Variants in ORC2 observed in about 807,000 individuals in gnomAD.
ORC2 encodes the protein origin recognition complex subunit 2.
A neutral mutation model predicts 77.7 loss-of-function variants in ORC2; 37 were observed. That is an observed-to-expected ratio of 0.48 (90% confidence interval 0.37 to 0.63). ORC2 has a LOEUF of 0.63. ORC2 is among the 20% of genes least tolerant of loss of function. The probability of loss-of-function intolerance (pLI) is 0.00; values close to 1 mark genes in which losing one functional copy is unlikely to be tolerated. For missense variants in ORC2, 557 were observed against 661.9 expected (o/e 0.84, Z 1.74); for synonymous variants, 201 against 229.5 (o/e 0.88, Z 1.12).
chr2:200,911,189 T>C lies in ORC2; in HGVS notation c.*112A>G. The C allele has an allele frequency of 1.5e-6, 1 of 687,810 alleles. No individual in the cohort carries two copies. Among genetic ancestry groups the C allele is most frequent in the Non-Finnish European group, 2.6e-6 (1 of 391,232 alleles). The allele number at this position is 687,810 out of a possible 1,614,324, so 42.6% of individuals were successfully genotyped here. On this transcript the variant is annotated 3_prime_UTR_variant, in exon 18 of 18. Coordinates refer to ENST00000234296, the MANE Select transcript of ORC2 (RefSeq NM_006190.5). ...ATCCCCCCCTTCCCAAATTTAAATCTTGTATGCTGGAAAAATAATTTAATG... is the reference window on the plus strand; with the variant it reads ...ATCCCCCCCTTCCCAAATTTAAATCCTGTATGCTGGAAAAATAATTTAATG...
chr2:200,913,404 A>G lies in ORC2; in HGVS notation c.1538T>C (p.Phe513Ser). 1 of 1,588,802 alleles carries G rather than the reference A, an allele frequency of 6.3e-7. No individual in the cohort carries two copies. Among genetic ancestry groups the G allele is most frequent in the Non-Finnish European group, 8.6e-7 (1 of 1,163,734 alleles). Residue 513 changes from phenylalanine to serine, a missense_variant, in exon 17 of 18, where the codon TTT becomes TCT. Physicochemically the swap from Phe to Ser is radical, Grantham distance 155. Coordinates refer to ENST00000234296, the MANE Select transcript of ORC2 (RefSeq NM_006190.5). ...QDNPSYIGLS[F>S]QDFYQQCREA... Reference sequence around the variant, plus strand: ...CCGACACTGCTGGTAAAAATCTTGAAAAGAAAGGCCTGGCAAGTTCAAAAG... The same window carrying G: ...CCGACACTGCTGGTAAAAATCTTGAGAAGAAAGGCCTGGCAAGTTCAAAAG...
chr2:200,936,042 A>G (rs770752460), intron 8 of ORC2, 150 bp from the exon 9 acceptor site: 78 of 583,318 alleles, frequency 1.3e-4, no homozygotes, highest in Non-Finnish European at 2.1e-4. Flanking sequence ...CTAATTAACA[A>G]ATTCTCTCAG....
chr2:200,949,576 G>T lies in ORC2; in HGVS notation c.306C>A (p.His102Gln). The T allele has an allele frequency of 1.3e-6, 2 of 1,583,190 alleles. No homozygotes were observed. Among genetic ancestry groups the T allele is most frequent in the Non-Finnish European group, 1.7e-6 (2 of 1,154,532 alleles). ...TACCTAATTTAGCCATCTTTTCAGA[G>T]TGTTTTCTATTCTGAAAAGAATAAA... Reference protein sequence around the residue: ...NKVYSFQNRKHSEKMAKLASE... With the variant: ...NKVYSFQNRKQSEKMAKLASE... The change falls in exon 5 of 18, where the codon CAC becomes CAA. Residue 102 changes from histidine to glutamine, a missense_variant. Physicochemically the swap from His to Gln is conservative, Grantham distance 24 (BLOSUM62 0). Coordinates refer to ENST00000234296, the MANE Select transcript of ORC2 (RefSeq NM_006190.5).
rs1204325955 is a variant in ORC2, at chr2:200,947,193, C to T, written c.328+2361G>A. Among the ~76,000 whole-genome samples, 24 of 150,924 alleles carry T rather than the reference C, an allele frequency of 1.6e-4. 1 individual carries two copies. The highest frequency in any genetic ancestry group is 1.4e-3 in the Admixed American group (21 of 15,114). ...CTGGGATTACAGGAGCGAGCCACCG[C>T]GACCAACCAAAAAAACTTAATTTCT... On this transcript the variant is annotated intron_variant, in intron 5 of 17. Transcript: ENST00000234296.
At chr2:200,913,599 T>C (rs1158721142) in intron 16 of ORC2, 186 bp from the exon 17 acceptor site, 1 of 1,286,350 alleles carries the variant, frequency 7.8e-7, no homozygotes, top group Non-Finnish European at 9.8e-7. Context: ...TATTAAAATG[T>C]TTGTTGAAAT....
At chr2:200,914,624 A>T (rs987356248) in intron 15 of ORC2, among the ~76,000 whole-genome samples, 5 of 152,112 alleles carry the variant, frequency 3.3e-5, no homozygotes, top group East Asian at 3.9e-4. Flanking sequence ...ATAAAAAATT[A>T]AAAAATTAGC....
In ORC2 at chr2:200,921,110, G is replaced by A. The variant is rs894469167; in HGVS notation, c.1177C>T (p.His393Tyr). 2.5e-6 allele frequency: 4 copies of A among 1,601,472 alleles called. No individual in the cohort carries two copies. Among genetic ancestry groups the A allele is most frequent in the Non-Finnish European group, 3.4e-6 (4 of 1,172,824 alleles). Residue 393 changes from histidine (H) to tyrosine (Y), a missense_variant, in exon 14 of 18, where the codon CAC (histidine) becomes TAC (tyrosine). Transcript: ENST00000234296. Reference sequence around the variant, plus strand: ...CTCAACATCTGGCTATCCAAATTGTGGATGAGAAGGAAGAGTTCTAAAGAA... The same window carrying A: ...CTCAACATCTGGCTATCCAAATTGTAGATGAGAAGGAAGAGTTCTAAAGAA... The part of the protein sequence containing the change: ...DSSLELFLLI[H>Y]NLDSQMLRGE...
At chr2:200,929,084 T>C (rs540991086) in intron 11 of ORC2, among the ~76,000 whole-genome samples, 101 of 152,148 alleles carry the variant, frequency 6.6e-4, no homozygotes, top group African/African-American at 2.4e-3. Context: ...CCCAAGTAGC[T>C]GGGATTACAG....
chr2:200,914,412 C>T (rs561210746), intron 15 of ORC2, among the ~76,000 whole-genome samples: 1 of 152,202 alleles, frequency 6.6e-6, no homozygotes, highest in African/African-American at 2.4e-5. Flanking sequence ...GTGATCCGCC[C>T]GCCTCGGCCT....
At chr2:200,935,164 GCCCAGGC>G (rs2041014215) in intron 9 of ORC2, among the ~76,000 whole-genome samples, 1 of 151,954 alleles carries the variant, frequency 6.6e-6, no homozygotes, top group African/African-American at 2.4e-5. Flanking sequence ...CGTTCTTATT[GCCCAGGC>G]TAGTACAATG....
rs2041078360 is a variant in ORC2, at chr2:200,938,000, CAT to C, written c.454-36_454-35del. On this transcript the variant is annotated intron_variant, in intron 7 of 17. Transcript: ENST00000234296. The stretch of plus-strand genomic sequence containing the variant: ...AAATAGAAAAAGCATTAAATAATAA[CAT>C]GGAAATTAATGACTGATCTGAGTGA... The C allele has an allele frequency of 3.5e-6, 5 of 1,449,038 alleles. No individual in the cohort carries two copies. In the East Asian group the frequency reaches 1.1e-4, roughly 33 times the overall value. 89.8% of individuals were successfully genotyped at this position (1,449,038 alleles called of 1,614,324 possible).
rs1175548276 is a variant in ORC2, at chr2:200,932,283, CTT to C, written c.808-837_808-836del. Among the ~76,000 whole-genome samples, 29 of 151,262 alleles carry C rather than the reference CTT, an allele frequency of 1.9e-4. 1 individual carries two copies. Among genetic ancestry groups the C allele is most frequent in the Admixed American group, 1.9e-3 (29 of 15,178 alleles). ...ACTAGATTATCTGAGCATATTCACA[CTT>C]GAGTGTGAACACTAGAATGTTATCT... On this transcript the variant is annotated intron_variant, in intron 10 of 17. Coordinates refer to ENST00000234296, the MANE Select transcript of ORC2 (RefSeq NM_006190.5).
chr2:200,960,742 C>T (rs1430226094), intron 1 of ORC2, among the ~76,000 whole-genome samples: 1 of 152,032 alleles, frequency 6.6e-6, no homozygotes, highest in Non-Finnish European at 1.5e-5. Context: ...AATTATAAAT[C>T]TATTAGGGTT....
intron 1 of ORC2, among the ~76,000 whole-genome samples, chr2:200,961,450 C>T (rs758770579): frequency 8.5e-5 from 13 of 152,162 alleles, no homozygotes; most frequent in Non-Finnish European, 1.6e-4. Context: ...CTGTGCTGGA[C>T]GCTAAATGCT....
intron 8 of ORC2, among the ~76,000 whole-genome samples, chr2:200,937,664 T>C (rs1303796559): frequency 6.6e-6 from 1 of 152,158 alleles, no homozygotes; most frequent in Admixed American, 6.5e-5. Flanking sequence ...AATAAATCAA[T>C]AGAATAATTT....
At chr2:200,929,231 G>A (rs1225915272) in intron 11 of ORC2, among the ~76,000 whole-genome samples, 5 of 152,256 alleles carry the variant, frequency 3.3e-5, no homozygotes, top group African/African-American at 4.8e-5. Context: ...AATTACAGAC[G>A]TGAGCCACCG....
intron 4 of ORC2, among the ~76,000 whole-genome samples, chr2:200,956,834 T>A (rs1382380921): frequency 6.6e-6 from 1 of 152,086 alleles, no homozygotes; most frequent in Non-Finnish European, 1.5e-5. Context: ...TATGCAGCCA[T>A]AAAAGGAATG....
chr2:200,941,169 T>C, intron 7 of ORC2, 79 bp downstream of exon 7: 1 of 1,157,272 alleles, frequency 8.6e-7, no homozygotes, highest in South Asian at 1.3e-5. Flanking sequence ...AGATCAATTT[T>C]TTCATTGAAT....
intron 5 of ORC2, among the ~76,000 whole-genome samples, chr2:200,944,831 C>A (rs544671914): frequency 2.0e-5 from 3 of 152,298 alleles, no homozygotes. Flanking sequence ...TGAGTCACCA[C>A]GCCCAGCGGT....
Sources: allele counts gnomAD v4.1 joint callset (sites outside exome capture counted in the v4.1 genomes callset), GRCh38; gene constraint gnomAD v4.1.1; transcripts MANE v1.5; gene names NCBI Gene and HGNC (gene_info 2026-07-23, HGNC 2026-07-21).